RARB: variants seen among roughly 807,000 people sequenced by gnomAD.
RARB encodes the protein HBV-activated protein.
In RARB, 17 loss-of-function variants were observed where a neutral mutation model predicts 51.9. That is an observed-to-expected ratio of 0.33 (90% CI 0.22 to 0.49). The LOEUF (loss-of-function observed/expected upper bound fraction) is 0.49, where lower values mean the gene tolerates loss of function less well. Ranked by LOEUF, RARB falls within the 20% of genes least tolerant of loss-of-function variation. The probability of loss-of-function intolerance (pLI) is 0.99; values close to 1 mark genes in which losing one functional copy is unlikely to be tolerated. For missense variants in RARB, 369 were observed against 550.8 expected, an observed-to-expected ratio of 0.67 and a Z score of 3.30; for synonymous variants, 215 against 195.4, an observed-to-expected ratio of 1.10 and a Z score of -0.84.
At chr3:25,377,511 T>C (rs1706501742) in intron 5 of RARB, among the ~76,000 whole-genome samples, 1 of 152,206 alleles carries the variant, frequency 6.6e-6, no homozygotes, top group African/African-American at 2.4e-5. Flanking sequence ...TAGTAGAAAA[T>C]AGCTTTTCTT....
chr3:25,161,383 T>C (rs1259262836), intron 4 of RARB, among the ~76,000 whole-genome samples: 2 of 152,000 alleles, frequency 1.3e-5, no homozygotes, highest in Non-Finnish European at 2.9e-5. Context: ...CATTGCAAAG[T>C]CCTTTTGCCA....
At chr3:25,389,514 A>G (rs1706888548) in intron 5 of RARB, among the ~76,000 whole-genome samples, 1 of 152,234 alleles carries the variant, frequency 6.6e-6, no homozygotes, top group Non-Finnish European at 1.5e-5. Context: ...TGTTGCTGTG[A>G]CATTAAACTA....
chr3:24,959,309 T>G (rs939697758), intron 2 of RARB, among the ~76,000 whole-genome samples: 3 of 152,024 alleles, frequency 2.0e-5, no homozygotes, highest in Non-Finnish European at 4.4e-5. Context: ...CTGAGGAGGA[T>G]TTTATTGCCA....
intron 2 of RARB, among the ~76,000 whole-genome samples, chr3:24,885,732 A>G (rs930273142): frequency 6.6e-6 from 1 of 152,208 alleles, no homozygotes. Flanking sequence ...ACTTTGGGAC[A>G]TGAAGAAAAT....
At chr3:24,891,365 C>A (rs534608839) in intron 2 of RARB, among the ~76,000 whole-genome samples, 2 of 152,074 alleles carry the variant, frequency 1.3e-5, no homozygotes, top group Non-Finnish European at 2.9e-5. Context: ...TACTAAGAAG[C>A]CTCGGGAAAG....
intron 1 of RARB, among the ~76,000 whole-genome samples, chr3:25,429,364 T>A (rs998689853): frequency 2.6e-4 from 39 of 152,184 alleles, no homozygotes; most frequent in African/African-American, 9.4e-4. Context: ...AATATGACAT[T>A]TTCCTTGAAA....
At chr3:25,309,971 G>C (rs1018914427) in intron 5 of RARB, among the ~76,000 whole-genome samples, 1 of 152,126 alleles carries the variant, frequency 6.6e-6, no homozygotes, top group Non-Finnish European at 1.5e-5. Flanking sequence ...AGTCCCGAAG[G>C]CTGCTCTACA....
intron 2 of RARB, among the ~76,000 whole-genome samples, chr3:24,894,303 GC>G (rs1478024824): frequency 1.4e-5 from 2 of 145,578 alleles, no homozygotes; most frequent in Non-Finnish European, 3.0e-5. Context: ...CCATCTAGTG[GC>G]CCCATCTTTG....
chr3:25,111,111 C>T (rs960301537), intron 3 of RARB, among the ~76,000 whole-genome samples: 9 of 152,090 alleles, frequency 5.9e-5, no homozygotes, highest in Non-Finnish European at 1.2e-4. Context: ...GCTATGACAG[C>T]AAGGAAGTCA....
At chr3:25,576,521 G>A (rs970756371) in intron 4 of RARB, among the ~76,000 whole-genome samples, 2 of 152,178 alleles carry the variant, frequency 1.3e-5, no homozygotes, top group African/African-American at 4.8e-5. Flanking sequence ...TGAAGGGGCT[G>A]CAGATGGATA....
intron 5 of RARB, among the ~76,000 whole-genome samples, chr3:25,359,607 C>T (rs1705864696): frequency 6.6e-6 from 1 of 152,242 alleles, no homozygotes; most frequent in East Asian, 1.9e-4. Flanking sequence ...CTTCTGTGGG[C>T]ATTTAGTGCT....
At chr3:25,482,183 A>G (rs1403046524) in intron 2 of RARB, among the ~76,000 whole-genome samples, 1 of 152,202 alleles carries the variant, frequency 6.6e-6, no homozygotes, top group Non-Finnish European at 1.5e-5. Context: ...CTATGGAAAC[A>G]GTCATTTCCA....
intron 5 of RARB, among the ~76,000 whole-genome samples, chr3:25,329,633 G>A (rs1237687542): frequency 6.6e-6 from 1 of 152,216 alleles, no homozygotes; most frequent in African/African-American, 2.4e-5. Flanking sequence ...CTGCTCGACA[G>A]CAATGGAACA....
At chr3:25,426,814 C>T (rs527727664), upstream of RARB, among the ~76,000 whole-genome samples, 3 of 152,302 alleles carry the variant, frequency 2.0e-5, no homozygotes, top group South Asian at 6.2e-4. Flanking sequence ...ATTGGCTCTC[C>T]CTTTTAAAGC....
intron 5 of RARB, among the ~76,000 whole-genome samples, chr3:25,331,257 T>C (rs568507667): frequency 5.3e-5 from 8 of 152,144 alleles, no homozygotes; most frequent in Non-Finnish European, 8.8e-5. Flanking sequence ...TATTCCAAAA[T>C]TGACCACATA....
chr3:25,000,779 T>G (rs955131193), intron 2 of RARB, among the ~76,000 whole-genome samples: 2 of 152,182 alleles, frequency 1.3e-5, no homozygotes, highest in African/African-American at 2.4e-5. Flanking sequence ...CAGTAATAAT[T>G]GTACTCTTAC....
chr3:25,228,217 GTTT>G (rs55796125), intron 5 of RARB, among the ~76,000 whole-genome samples: 7,833 of 105,546 alleles, frequency 0.074, 296 homozygotes, highest in South Asian at 0.24. Flanking sequence ...GACTTTGAGG[GTTT>G]TTTTTTTTTT....
intron 3 of RARB, among the ~76,000 whole-genome samples, chr3:25,083,236 C>A (rs1699043294): frequency 6.6e-6 from 1 of 151,832 alleles, no homozygotes; most frequent in Non-Finnish European, 1.5e-5. Context: ...ATTTTTTGCT[C>A]AAATATTTCT....
At chr3:25,301,577 A>G (rs1218636585) in intron 5 of RARB, among the ~76,000 whole-genome samples, 1 of 152,118 alleles carries the variant, frequency 6.6e-6, no homozygotes, top group East Asian at 1.9e-4. Flanking sequence ...TGCATTTTGT[A>G]TGGAGGTGGG....
Sources: allele counts gnomAD v4.1 joint callset (sites outside exome capture counted in the v4.1 genomes callset), GRCh38; gene constraint gnomAD v4.1.1; transcripts MANE v1.5; gene names NCBI Gene and HGNC (gene_info 2026-07-23, HGNC 2026-07-21).